The following RELN variants were observed in gnomAD, a reference collection of about 807,000 sequenced individuals.
RELN encodes the protein reelin.
A neutral mutation model predicts 427.6 loss-of-function variants in RELN; 108 were observed. The observed-to-expected ratio is 0.25, with a 90% CI of 0.22 to 0.30. The LOEUF (loss-of-function observed/expected upper bound fraction) is 0.30, where lower values mean the gene tolerates loss of function less well. Among genes scored for constraint, RELN ranks in the 10% least tolerant of loss-of-function variants. The pLI is 1.00. For synonymous variants in RELN, 1,524 were observed against 1,513.4 expected, an observed-to-expected ratio of 1.01 and a Z score of -0.16; for missense variants, 3,715 against 4,302.8, an observed-to-expected ratio of 0.86 and a Z score of 3.82.
intron 1 of RELN, among the ~76,000 whole-genome samples, chr7:103,963,541 G>A (rs117451190): frequency 0.012 from 1,829 of 152,158 alleles, 18 homozygotes; most frequent in Middle Eastern, 0.024. Flanking sequence ...GGGGGGCTGT[G>A]GTCAGGATAG....
chr7:103,969,207 G>A lies in RELN; in HGVS notation c.226+19924C>T, dbSNP rs1311966742. Among the ~76,000 whole-genome samples the A allele has an allele frequency of 2.0e-5, 3 of 151,998 alleles. No individual in the cohort carries two copies. In the East Asian group the frequency reaches 5.8e-4, roughly 29 times the overall value. On this transcript the variant is annotated intron_variant, in intron 1 of 64. Transcript: ENST00000428762. ...GGTTTTTAACTCCTCCAGTAATTAT[G>A]GCAAAGTTCATGCCCTATGAACTGT...
chr7:103,796,756 G>T (rs1792307620), intron 3 of RELN, among the ~76,000 whole-genome samples: 1 of 151,824 alleles, frequency 6.6e-6, no homozygotes, highest in East Asian at 1.9e-4. Flanking sequence ...AGCTACTCGG[G>T]AGGTTGAGGC....
intron 1 of RELN, among the ~76,000 whole-genome samples, chr7:103,970,841 T>C (rs1054622781): frequency 4.6e-5 from 7 of 152,164 alleles, no homozygotes; most frequent in African/African-American, 1.7e-4. Context: ...CTACAGATAA[T>C]GTGAATCAAC....
chr7:103,639,763 C>T (rs1016640107), intron 17 of RELN, among the ~76,000 whole-genome samples: 8 of 152,070 alleles, frequency 5.3e-5, no homozygotes, highest in Non-Finnish European at 1.0e-4. Context: ...AACTAATTAG[C>T]TAATTGATTA....
In RELN at chr7:103,699,731, A is replaced by T. The variant is rs1350720592; in HGVS notation, c.902+1179T>A. Among the ~76,000 whole-genome samples the T allele has an allele frequency of 2.0e-5, 3 of 152,240 alleles. No individual in the cohort carries two copies. The East Asian group carries it at 5.8e-4, about 29-fold the overall frequency. Reference sequence around the variant, plus strand: ...CTTCTTTGTTTAAAGCCATTTATAGAAATATTTAATATGAATGCATTTTCA... The same window carrying T: ...CTTCTTTGTTTAAAGCCATTTATAGTAATATTTAATATGAATGCATTTTCA... On this transcript the variant is annotated intron_variant, in intron 9 of 64. Transcript: ENST00000428762.
intron 1 of RELN, among the ~76,000 whole-genome samples, chr7:103,964,896 C>G (rs1796631835): frequency 6.6e-6 from 1 of 152,126 alleles, no homozygotes; most frequent in Non-Finnish European, 1.5e-5. Flanking sequence ...GTCAGCTCCC[C>G]CAGTTAGGTG....
chr7:103,841,392 T>C (rs1198005771), intron 2 of RELN, among the ~76,000 whole-genome samples: 1 of 152,176 alleles, frequency 6.6e-6, no homozygotes, highest in Non-Finnish European at 1.5e-5. Context: ...AATATTTGTC[T>C]TCTTTGTCAA....
intron 8 of RELN, among the ~76,000 whole-genome samples, chr7:103,702,266 C>T (rs955078075): frequency 6.6e-6 from 1 of 152,148 alleles, no homozygotes; most frequent in African/African-American, 2.4e-5. Flanking sequence ...GGACAAACTT[C>T]AATACAAACA....
intron 3 of RELN, among the ~76,000 whole-genome samples, chr7:103,810,316 C>T (rs1033199961): frequency 2.6e-5 from 4 of 152,054 alleles, no homozygotes; most frequent in African/African-American, 9.7e-5. Context: ...ATGTCATTTC[C>T]TCCCATCCTT....
In RELN at chr7:103,700,780, A is replaced by G. The variant is rs559620084; in HGVS notation, c.902+130T>C. 3.5e-4 allele frequency: 251 copies of G among 713,294 alleles called. No homozygotes were observed. The Middle Eastern group carries it at 7.4e-3, about 21-fold the overall frequency. 44.2% of individuals were successfully genotyped at this position (713,294 alleles called of 1,614,324 possible). Reference sequence around the variant, plus strand: ...CTGGTCATAATATGTGCATCCATAGAATTCAACATAATTAACAACCAGAGT... The same window carrying G: ...CTGGTCATAATATGTGCATCCATAGGATTCAACATAATTAACAACCAGAGT... On this transcript the variant is annotated intron_variant, in intron 9 of 64. Transcript: ENST00000428762.
intron 1 of RELN, among the ~76,000 whole-genome samples, chr7:103,941,747 T>C (rs1170643829): frequency 6.6e-6 from 1 of 152,082 alleles, no homozygotes; most frequent in Non-Finnish European, 1.5e-5. Context: ...ACTACTTCCC[T>C]GGTAATCAAA....
At chr7:103,613,429 G>A (rs1485141851) in intron 20 of RELN, among the ~76,000 whole-genome samples, 1 of 152,162 alleles carries the variant, frequency 6.6e-6, no homozygotes, top group Non-Finnish European at 1.5e-5. Flanking sequence ...TCCACAGGAT[G>A]CAATCTGGAA....
At chr7:103,600,895 T>C (rs1373018562) in intron 24 of RELN, among the ~76,000 whole-genome samples, 2 of 152,212 alleles carry the variant, frequency 1.3e-5, no homozygotes, top group East Asian at 3.8e-4. Flanking sequence ...GATCTCTTTC[T>C]GTGTTCCCAA....
intron 2 of RELN, among the ~76,000 whole-genome samples, chr7:103,841,988 A>G (rs1340038975): frequency 6.6e-6 from 1 of 152,194 alleles, no homozygotes; most frequent in Non-Finnish European, 1.5e-5. Flanking sequence ...ACAAAGGGCA[A>G]GTACATTAAA....
At position 103,952,049 on chromosome 7, in the gene RELN, T is replaced by C. The variant is rs78463714; in HGVS notation, c.227-34864A>G. On this transcript the variant is annotated intron_variant, in intron 1 of 64. Transcript: ENST00000428762. Reference sequence around the variant, plus strand: ...TGATATTCAGATATTCAGTTATCAGTTCTTATTTTGGGTACTCAAACATCT... The same window carrying C: ...TGATATTCAGATATTCAGTTATCAGCTCTTATTTTGGGTACTCAAACATCT... Among the ~76,000 whole-genome samples the C allele has an allele frequency of 2.1e-3, 318 of 152,396 alleles. 1 individual carries two copies. Among genetic ancestry groups the C allele is most frequent in the African/African-American group, 7.4e-3 (306 of 41,596 alleles).
At chr7:103,506,284 G>GA (rs1192055430) in intron 51 of RELN, among the ~76,000 whole-genome samples, 1 of 152,100 alleles carries the variant, frequency 6.6e-6, no homozygotes, top group African/African-American at 2.4e-5. Flanking sequence ...TGAAATGAAG[G>GA]AAAAAATGTT....
intron 8 of RELN, among the ~76,000 whole-genome samples, chr7:103,712,108 C>A (rs1013729362): frequency 6.6e-6 from 1 of 152,108 alleles, no homozygotes; most frequent in Non-Finnish European, 1.5e-5. Context: ...CCTGGAGAAT[C>A]CTAAAGAGCT....
intron 1 of RELN, among the ~76,000 whole-genome samples, chr7:103,985,715 G>A (rs747309088): frequency 3.3e-5 from 5 of 152,166 alleles, no homozygotes; most frequent in Non-Finnish European, 5.9e-5. Flanking sequence ...AAATTGATTG[G>A]GGGCAAGGCG....
intron 2 of RELN, among the ~76,000 whole-genome samples, chr7:103,879,724 G>A (rs1001524572): frequency 6.6e-6 from 1 of 152,144 alleles, no homozygotes; most frequent in Non-Finnish European, 1.5e-5. Context: ...GAGTGGGTGG[G>A]ATAACTCAGT....
Sources: gnomAD v4.1 joint callset for allele counts (sites outside exome capture counted in the v4.1 genomes callset) on GRCh38, gnomAD v4.1.1 for gene constraint, MANE v1.5 for transcripts, NCBI Gene and HGNC (gene_info 2026-07-23, HGNC 2026-07-21) for gene names.